LRRIQ1: variants seen among roughly 807,000 people sequenced by gnomAD.
LRRIQ1 encodes the protein leucine rich repeats and IQ motif containing 1, also known as leucine-rich repeat- and IQ domain-containing protein 1.
A neutral mutation model predicts 211.9 loss-of-function variants in LRRIQ1; 210 were observed. That is an observed-to-expected ratio of 0.99 (90% confidence interval 0.89 to 1.11). The LOEUF is 1.11. Ranked by LOEUF, LRRIQ1 falls within the 50% of genes most tolerant of loss-of-function variation. LRRIQ1 has a pLI of 0.00. For missense variants in LRRIQ1, 2,136 were observed against 1,939.5 expected, an observed-to-expected ratio of 1.10 and a Z score of -1.90; for synonymous variants, 699 against 650.1, an observed-to-expected ratio of 1.08 and a Z score of -1.14.
At chr12:85,216,240 C>T (rs1167328272) in intron 24 of LRRIQ1, among the ~76,000 whole-genome samples, 2 of 152,152 alleles carry the variant, frequency 1.3e-5, no homozygotes, top group African/African-American at 4.8e-5. Flanking sequence ...TCTCGTTCAA[C>T]TCCCACTTAT....
At chr12:85,168,693 A>C (rs770506436) in intron 24 of LRRIQ1, among the ~76,000 whole-genome samples, 16 of 152,118 alleles carry the variant, frequency 1.1e-4, no homozygotes, top group Non-Finnish European at 2.2e-4. Flanking sequence ...TTGGACACTG[A>C]TTCAGGGCAT....
chr12:85,051,904 A>G (rs2135955945), intron 6 of LRRIQ1, among the ~76,000 whole-genome samples: 1 of 152,278 alleles, frequency 6.6e-6, no homozygotes, highest in South Asian at 2.1e-4. Context: ...GTTTCGAGCC[A>G]ATACATTATA....
chr12:85,272,116 T>A, the LRRIQ1 span, among the ~76,000 whole-genome samples: 6 of 152,192 alleles, frequency 3.9e-5, no homozygotes, highest in African/African-American at 1.2e-4. Flanking sequence ...GATCCAGTAG[T>A]TAGAGATGCC....
intron 24 of LRRIQ1, among the ~76,000 whole-genome samples, chr12:85,219,918 A>G (rs1894319732): frequency 6.6e-6 from 1 of 152,170 alleles, no homozygotes; most frequent in African/African-American, 2.4e-5. Flanking sequence ...GCCTATCAAC[A>G]AGTATTTATA....
downstream of LRRIQ1, among the ~76,000 whole-genome samples, chr12:85,248,607 T>C (rs1055262128): frequency 2.6e-5 from 4 of 151,594 alleles, no homozygotes; most frequent in African/African-American, 9.7e-5. Context: ...CCTCCTGAAG[T>C]TGTTCTTTGG....
intron 26 of LRRIQ1, among the ~76,000 whole-genome samples, chr12:85,242,095 A>G (rs1182232341): frequency 6.6e-6 from 1 of 152,048 alleles, no homozygotes; most frequent in East Asian, 1.9e-4. Context: ...ATTTTGCAAA[A>G]TTACAGTCTA....
chr12:85,266,887 TCTC>T (rs1375057366), downstream of LRRIQ1, among the ~76,000 whole-genome samples: 1 of 152,038 alleles, frequency 6.6e-6, no homozygotes, highest in Non-Finnish European at 1.5e-5. Flanking sequence ...CAGGAAAAGT[TCTC>T]CTTACATTTC....
At chr12:85,089,385 A>G (rs1487912463) in intron 11 of LRRIQ1, among the ~76,000 whole-genome samples, 1 of 152,226 alleles carries the variant, frequency 6.6e-6, no homozygotes, top group African/African-American at 2.4e-5. Context: ...AAGAGTTTGG[A>G]GGGCTTAGAA....
At chr12:85,140,030 GA>G (rs1386135850) in intron 19 of LRRIQ1, among the ~76,000 whole-genome samples, 1 of 150,958 alleles carries the variant, frequency 6.6e-6, no homozygotes, top group Non-Finnish European at 1.5e-5. Context: ...TCTATGTAAT[GA>G]AAAAAACTAG....
chr12:85,254,891 G>A (rs1896045201), intron 1 of LRRIQ1, among the ~76,000 whole-genome samples: 1 of 151,892 alleles, frequency 6.6e-6, no homozygotes, highest in South Asian at 2.1e-4. Context: ...AGAACTTGAG[G>A]AGTGAACAGA....
chr12:85,200,218 T>C (rs1389082844), intron 24 of LRRIQ1, among the ~76,000 whole-genome samples: 4 of 152,198 alleles, frequency 2.6e-5, no homozygotes, highest in African/African-American at 7.2e-5. Context: ...TATTTTATTC[T>C]TTTTGTGCCC....
intron 23 of LRRIQ1, among the ~76,000 whole-genome samples, chr12:85,156,053 C>T (rs1890526600): frequency 6.6e-6 from 1 of 151,642 alleles, no homozygotes; most frequent in Non-Finnish European, 1.5e-5. Flanking sequence ...ACATCTTTAA[C>T]TTAACATTTT....
intron 24 of LRRIQ1, among the ~76,000 whole-genome samples, chr12:85,171,128 A>G (rs930418466): frequency 3.3e-5 from 5 of 152,160 alleles, no homozygotes; most frequent in African/African-American, 1.2e-4. Context: ...AATATCTTTG[A>G]GGATACGGAA....
At chr12:85,248,490 AGGTG>A (rs1895800294), downstream of LRRIQ1, among the ~76,000 whole-genome samples, 2 of 151,644 alleles carry the variant, frequency 1.3e-5, no homozygotes, top group Admixed American at 1.3e-4. Flanking sequence ...AGTGGTTTTC[AGGTG>A]TCTCCTTCTG....
chr12:85,133,672 T>C (rs1888929653), intron 18 of LRRIQ1, among the ~76,000 whole-genome samples: 4 of 152,072 alleles, frequency 2.6e-5, no homozygotes, highest in African/African-American at 9.7e-5. Flanking sequence ...AAGCCAGACA[T>C]GTTGGATGGG....
intron 15 of LRRIQ1, among the ~76,000 whole-genome samples, chr12:85,116,268 G>A (rs1251494645): frequency 6.6e-6 from 1 of 151,938 alleles, no homozygotes; most frequent in African/African-American, 2.4e-5. Context: ...TCAGCCACCC[G>A]AGTAGCTGGG....
At chr12:85,190,247 A>C (rs1176609112) in intron 24 of LRRIQ1, among the ~76,000 whole-genome samples, 1 of 144,958 alleles carries the variant, frequency 6.9e-6, no homozygotes, top group Non-Finnish European at 1.5e-5. Flanking sequence ...TATACATTAT[A>C]TTATATATTA....
chr12:85,198,153 G>C (rs1476763172), intron 24 of LRRIQ1, among the ~76,000 whole-genome samples: 3 of 108,494 alleles, frequency 2.8e-5, no homozygotes, highest in Admixed American at 1.2e-4. Context: ...ATTATATTAT[G>C]TATTATATGT....
chr12:85,087,521 T>C (rs1210001159), intron 11 of LRRIQ1, among the ~76,000 whole-genome samples: 1 of 152,232 alleles, frequency 6.6e-6, no homozygotes, highest in Non-Finnish European at 1.5e-5. Flanking sequence ...ATCACTACAC[T>C]GTCTTCCACA....
Sources: gnomAD v4.1 joint callset for allele counts (sites outside exome capture counted in the v4.1 genomes callset) on GRCh38, gnomAD v4.1.1 for gene constraint, MANE v1.5 for transcripts, NCBI Gene and HGNC (gene_info 2026-07-23, HGNC 2026-07-21) for gene names.